Variants in STXBP4 observed in about 807,000 individuals in gnomAD.
The protein encoded by STXBP4 is syntaxin-binding protein 4.
A neutral mutation model predicts 76.1 loss-of-function variants in STXBP4; 55 were observed. The ratio of observed to expected loss-of-function variants is 0.72; its 90% CI spans 0.58 to 0.91. The LOEUF (loss-of-function observed/expected upper bound fraction) is 0.91, where lower values mean the gene tolerates loss of function less well. STXBP4 is among the 40% of genes least tolerant of loss of function. The pLI is 0.00. For missense variants in STXBP4, 618 were observed against 636.9 expected, an observed-to-expected ratio of 0.97 and a Z score of 0.32; for synonymous variants, 201 against 220.2, an observed-to-expected ratio of 0.91 and a Z score of 0.77.
At chr17:55,078,881 C>G in intron 15 of STXBP4, 146 bp downstream of exon 15, 1 of 613,832 alleles carries the variant, frequency 1.6e-6, no homozygotes, top group Non-Finnish European at 2.9e-6. Flanking sequence ...GAAATAGATG[C>G]AAGGACATAT....
chr17:55,111,436 C>A (rs2079713993), intron 16 of STXBP4, among the ~76,000 whole-genome samples: 1 of 152,154 alleles, frequency 6.6e-6, no homozygotes, highest in African/African-American at 2.4e-5. Context: ...TTTGTCCCCC[C>A]AGATCTCATG....
Position 55,007,505 on chromosome 17 carries a change from GATGTT to G in STXBP4, c.575_579del (p.Asp192GlyfsTer6). ...TTAATGTGCACCCTGTTGTCTCTTA[GATGTT>G]GCTTCTGCCTGGACTGAAAATTATG... On this transcript the variant is annotated frameshift_variant and splice_region_variant, in exon 8 of 18. Coordinates refer to ENST00000376352, the MANE Select transcript of STXBP4 (RefSeq NM_178509.6). LOFTEE classifies it high-confidence loss of function. 1 of 1,609,096 alleles carries G rather than the reference GATGTT, an allele frequency of 6.2e-7. No homozygotes were observed. Among genetic ancestry groups the G allele is most frequent in the Non-Finnish European group, 8.5e-7 (1 of 1,177,416 alleles).
At chr17:55,180,952 C>T in the STXBP4 span, among the ~76,000 whole-genome samples, 2 of 152,238 alleles carry the variant, frequency 1.3e-5, no homozygotes, top group African/African-American at 4.8e-5. Context: ...ATCATGTCAA[C>T]TGACACAAAA....
At chr17:55,006,961 G>A (rs1183736871) in intron 7 of STXBP4, among the ~76,000 whole-genome samples, 3 of 152,092 alleles carry the variant, frequency 2.0e-5, no homozygotes, top group Non-Finnish European at 4.4e-5. Flanking sequence ...ATATCTGTGG[G>A]ACTTCACAAT....
chr17:55,034,381 A>G, intron 10 of STXBP4, 122 bp downstream of exon 10: 1 of 559,148 alleles, frequency 1.8e-6, no homozygotes, highest in Non-Finnish European at 2.9e-6. Flanking sequence ...TTGGATAAAT[A>G]TATAAATACA....
At chr17:55,123,893 A>G (rs1359504117) in intron 16 of STXBP4, among the ~76,000 whole-genome samples, 1 of 151,972 alleles carries the variant, frequency 6.6e-6, no homozygotes, top group Admixed American at 6.6e-5. Context: ...AGCAAGACTC[A>G]GTCTCAAAAA....
At position 55,074,331 on chromosome 17, in the gene STXBP4, C is replaced by A. The variant is rs377724421; in HGVS notation, c.1188+1255C>A. ...ACAAGAAGGCTGAAGTTCCCATCAC[C>A]CTTTGATAATACCACAAGGCGAAGA... On this transcript the variant is annotated intron_variant, in intron 13 of 17. Coordinates refer to ENST00000376352, the MANE Select transcript of STXBP4 (RefSeq NM_178509.6). Among the ~76,000 whole-genome samples the A allele has an allele frequency of 1.4e-3, 213 of 152,190 alleles. 1 individual carries two copies. The highest frequency in any genetic ancestry group is 4.9e-3 in the African/African-American group (204 of 41,534).
rs948946584 is a variant in STXBP4, at chr17:55,051,826, T to TC, written c.1011+4673dup. ...AATTGGATGTATCATTGTGAATACA[T>TC]CATTTCTTTTATATATATGTGCATA... On this transcript the variant is annotated intron_variant, in intron 12 of 17. Coordinates refer to ENST00000376352, the MANE Select transcript of STXBP4 (RefSeq NM_178509.6). 2.9e-4 allele frequency among the ~76,000 whole-genome samples: 44 copies of TC among 152,210 alleles called. 1 individual carries two copies. The highest frequency in any genetic ancestry group is 6.8e-3 in the Middle Eastern group (2 of 294).
At chr17:55,208,282 G>A in the STXBP4 span, among the ~76,000 whole-genome samples, 1 of 152,042 alleles carries the variant, frequency 6.6e-6, no homozygotes, top group Non-Finnish European at 1.5e-5. Flanking sequence ...CAGAGAAACA[G>A]TGTTGTTGAC....
At chr17:55,030,949 A>G in intron 8 of STXBP4, 1 of 421,098 alleles carries the variant, frequency 2.4e-6, no homozygotes, top group East Asian at 3.8e-5. Context: ...GGTATTAGCT[A>G]AAGTGCTAGT....
intron 15 of STXBP4, among the ~76,000 whole-genome samples, chr17:55,079,032 C>A (rs925785359): frequency 1.3e-5 from 2 of 152,136 alleles, no homozygotes; most frequent in African/African-American, 4.8e-5. Flanking sequence ...ACTTAAAATT[C>A]TGTAATTGTC....
chr17:55,072,020 T>G lies in STXBP4; in HGVS notation c.1012-880T>G, dbSNP rs374271020. ...ACATTTTTTTCCCTCCAAGTACATT[T>G]TGATAGAGCAAGTGGTTTTGGCTAC... is the stretch of plus-strand genomic sequence containing the variant. On this transcript the variant is annotated intron_variant, in intron 12 of 17. Transcript: ENST00000376352. Among the ~76,000 whole-genome samples the G allele has an allele frequency of 1.6e-4, 25 of 152,328 alleles. No individual in the cohort carries two copies. In the South Asian group the frequency reaches 4.4e-3, roughly 27 times the overall value.
chr17:55,182,803 C>G, the STXBP4 span, among the ~76,000 whole-genome samples: 5 of 151,726 alleles, frequency 3.3e-5, no homozygotes, highest in Non-Finnish European at 7.4e-5. Flanking sequence ...AGGAAAACAA[C>G]AACAACAACA....
the STXBP4 span, among the ~76,000 whole-genome samples, chr17:55,198,184 C>T: frequency 1.3e-5 from 2 of 152,202 alleles, no homozygotes; most frequent in Non-Finnish European, 2.9e-5. Context: ...CCTATGCAAA[C>T]ATCTGATTGG....
intron 11 of STXBP4, 60 bp from the exon 12 acceptor site, chr17:55,047,029 G>C: frequency 1.0e-6 from 1 of 978,074 alleles, no homozygotes; most frequent in Non-Finnish European, 1.6e-6. Context: ...AAGGGACTAA[G>C]AAGTCACACT....
the STXBP4 span, among the ~76,000 whole-genome samples, chr17:55,182,884 T>C: frequency 1.3e-5 from 2 of 152,066 alleles, no homozygotes; most frequent in South Asian, 2.1e-4. Context: ...AAATGAAAAC[T>C]TTTTTAGACA....
chr17:55,201,382 G>T, the STXBP4 span, among the ~76,000 whole-genome samples: 2 of 151,856 alleles, frequency 1.3e-5, no homozygotes, highest in African/African-American at 2.4e-5. Flanking sequence ...AAAGGAAAAG[G>T]AAGGAAGGAG....
At chr17:55,024,897 G>T (rs989823017) in intron 8 of STXBP4, among the ~76,000 whole-genome samples, 3 of 152,082 alleles carry the variant, frequency 2.0e-5, no homozygotes, top group Non-Finnish European at 4.4e-5. Context: ...CAGCACTTTG[G>T]GAGGCCGAGG....
At chr17:55,065,082 A>G (rs2079034934) in intron 12 of STXBP4, among the ~76,000 whole-genome samples, 1 of 152,180 alleles carries the variant, frequency 6.6e-6, no homozygotes, top group African/African-American at 2.4e-5. Context: ...TAGGGTCTGT[A>G]TGGGGCTATC....
Sources: gnomAD v4.1 joint callset for allele counts (sites outside exome capture counted in the v4.1 genomes callset) on GRCh38, gnomAD v4.1.1 for gene constraint, MANE v1.5 for transcripts, NCBI Gene and HGNC (gene_info 2026-07-23, HGNC 2026-07-21) for gene names.